PHC2: variants seen among roughly 807,000 people sequenced by gnomAD.
PHC2 encodes the protein polyhomeotic-like protein 2.
PHC2 carries 29 observed loss-of-function variants against 87.4 expected under a neutral mutation model. That is an observed-to-expected ratio of 0.33 (90% CI 0.25 to 0.45). The LOEUF (loss-of-function observed/expected upper bound fraction) is 0.45. Ranked by LOEUF, PHC2 falls within the 20% of genes least tolerant of loss-of-function variation. The pLI, the probability that PHC2 is intolerant of heterozygous loss-of-function variation, is 1.00. For missense variants in PHC2, 857 were observed against 1,136.7 expected (o/e 0.75, Z 3.54); for synonymous variants, 438 against 461.7 (o/e 0.95, Z 0.66).
rs1050095881 is a variant in PHC2, at chr1:33,334,015, A to G, written c.1761+75T>C. The G allele has an allele frequency of 2.3e-6, 3 of 1,316,378 alleles. No individual in the cohort carries two copies. The highest frequency in any genetic ancestry group is 2.3e-5 in the Admixed American group (1 of 43,528). The allele number at this position is 1,316,378 out of a possible 1,614,324, so 81.5% of individuals were successfully genotyped here. ...TTGTTCACATTTTCAGAAATTTTAC[A>G]TGGAAATGTAAAAATATTCTAAGAC... On this transcript the variant is annotated intron_variant, in intron 10 of 14. Coordinates refer to ENST00000683057, the MANE Select transcript of PHC2 (RefSeq NM_001385109.1). The surrounding 1 kb of genome is among the most constrained non-coding windows in gnomAD (Gnocchi z 5.5).
At position 33,331,018 on chromosome 1, in the gene PHC2, A is replaced by G. The variant is rs527503216; in HGVS notation, c.2006+330T>C. ...CGAGAGCTCACCAAGGGAACACTAT[A>G]GCTGTGGTTCTGGGTAAGGCTTACC... On this transcript the variant is annotated intron_variant, in intron 12 of 14. Coordinates refer to ENST00000683057, the MANE Select transcript of PHC2 (RefSeq NM_001385109.1). The surrounding 1 kb of genome is among the most constrained non-coding windows in gnomAD (Gnocchi z 5.2). 2.6e-5 allele frequency among the ~76,000 whole-genome samples: 4 copies of G among 152,176 alleles called. No individual in the cohort carries two copies. The highest frequency in any genetic ancestry group is 2.9e-5 in the Non-Finnish European group (2 of 68,026).
intron 14 of PHC2, chr1:33,325,512 C>T (rs941870387): frequency 4.1e-5 from 8 of 194,106 alleles, no homozygotes; most frequent in South Asian, 2.4e-4. Flanking sequence ...TTTTCTGGCT[C>T]CAGACCTCAG....
intron 7 of PHC2, chr1:33,363,865 G>A (rs1220928372): frequency 1.0e-6 from 1 of 985,152 alleles, no homozygotes; most frequent in African/African-American, 1.7e-5. Context: ...CAGGCCCAAG[G>A]GACCCCTGCT....
chr1:33,327,216 G>A (rs574726598), intron 14 of PHC2, among the ~76,000 whole-genome samples: 1 of 152,228 alleles, frequency 6.6e-6, no homozygotes, highest in Admixed American at 6.5e-5. Flanking sequence ...TGTCTGTAAT[G>A]GTTATCCTAT....
At chr1:33,413,616 T>C (rs1650071394) in intron 1 of PHC2, among the ~76,000 whole-genome samples, 1 of 152,206 alleles carries the variant, frequency 6.6e-6, no homozygotes, top group Non-Finnish European at 1.5e-5. Context: ...TAAAAGACAG[T>C]TGCAAACACA....
rs759921861 is a variant in PHC2 at position 33,368,596 on chromosome 1, G to C, written c.603C>G (p.Val201=). The change falls in exon 6 of 15, where the codon GTC becomes GTG. Residue 201 remains valine, a synonymous_variant. Coordinates refer to ENST00000683057, the MANE Select transcript of PHC2 (RefSeq NM_001385109.1). This position sits in a 1 kb window ranked among gnomAD's most constrained non-coding sequence, Gnocchi z 6.6. ...QMLIFTPTAT[V]ATVQPELGTG... ...TGCCGAGCTCAGGCTGCACAGTAGCGACGGTGGCCGTGGGCGTGAAGATGA... is the reference window on the plus strand; with the variant it reads ...TGCCGAGCTCAGGCTGCACAGTAGCCACGGTGGCCGTGGGCGTGAAGATGA... The C allele has an allele frequency of 1.5e-5, 24 of 1,551,132 alleles. No individual in the cohort carries two copies. The highest frequency in any genetic ancestry group is 2.0e-5 in the Non-Finnish European group (23 of 1,146,730).
chr1:33,361,516 G>GT (rs1647194302), intron 7 of PHC2, among the ~76,000 whole-genome samples: 1 of 152,014 alleles, frequency 6.6e-6, no homozygotes, highest in Non-Finnish European at 1.5e-5. Context: ...AATTTTTGTA[G>GT]TTTTAGTAGA....
rs776821844 is a variant in PHC2, at chr1:33,332,638, C to T, written c.1762-234G>A. ...AGGGATGGCTTCTGTCCAGGACCAA[C>T]GGATGGCTCAGGAGATTAGGAAAAT... is the stretch of plus-strand genomic sequence containing the variant. On this transcript the variant is annotated intron_variant, in intron 10 of 14. Transcript: ENST00000683057. The surrounding 1 kb of genome is among the most constrained non-coding windows in gnomAD (Gnocchi z 4.2). 40 of 525,862 alleles carry T rather than the reference C, an allele frequency of 7.6e-5. No individual in the cohort carries two copies. Among genetic ancestry groups the T allele is most frequent in the Non-Finnish European group, 1.1e-4 (31 of 290,482 alleles). The allele number at this position is 525,862 out of a possible 1,614,324, so 32.6% of individuals were successfully genotyped here.
At position 33,402,713 on chromosome 1, in the gene PHC2, T is replaced by C. The variant is rs567973156; in HGVS notation, c.-54-27120A>G. Reference sequence around the variant, plus strand: ...AAGACTCAGAATGAATACAGTATAATTCCATTTATACAGAGTTCAAAACCA... The same window carrying C: ...AAGACTCAGAATGAATACAGTATAACTCCATTTATACAGAGTTCAAAACCA... On this transcript the variant is annotated intron_variant, in intron 1 of 14. Coordinates refer to ENST00000683057, the MANE Select transcript of PHC2 (RefSeq NM_001385109.1). 2.0e-5 allele frequency among the ~76,000 whole-genome samples: 3 copies of C among 152,322 alleles called. No individual in the cohort carries two copies. The South Asian group carries it at 6.2e-4, about 32-fold the overall frequency.
intron 1 of PHC2, among the ~76,000 whole-genome samples, chr1:33,402,777 A>G (rs1649592371): frequency 6.6e-6 from 1 of 152,186 alleles, no homozygotes; most frequent in Admixed American, 6.5e-5. Context: ...ATAACAGTAT[A>G]TTGTTTAGGA....
rs917277957 is a variant in PHC2, at chr1:33,349,105, G to C, written c.1558+5296C>G. ...ACGCTCTTCTAAAAATGGAAGAAAA[G>C]ACACAGAACAGCTTGTCCCTTTCCA... is the stretch of plus-strand genomic sequence containing the variant. On this transcript the variant is annotated intron_variant, in intron 9 of 14. Coordinates refer to ENST00000683057, the MANE Select transcript of PHC2 (RefSeq NM_001385109.1). This position sits in a 1 kb window ranked among gnomAD's most constrained non-coding sequence, Gnocchi z 4.2. 1 of 985,284 alleles carries C rather than the reference G, an allele frequency of 1.0e-6. No individual in the cohort carries two copies. The highest frequency in any genetic ancestry group is 1.7e-5 in the African/African-American group (1 of 57,258). 61.0% of individuals were successfully genotyped at this position (985,284 alleles called of 1,614,324 possible).
In PHC2 at chr1:33,368,907, C is replaced by A. The variant is rs1238527712; in HGVS notation, c.577-285G>T. Among the ~76,000 whole-genome samples the A allele has an allele frequency of 6.6e-6, 1 of 152,146 alleles. No homozygotes were observed. The highest frequency in any genetic ancestry group is 1.5e-5 in the Non-Finnish European group (1 of 68,024). On this transcript the variant is annotated intron_variant, in intron 5 of 14. Transcript: ENST00000683057. The surrounding 1 kb of genome is among the most constrained non-coding windows in gnomAD (Gnocchi z 6.6). ...GGTGGGGAGAGCCGCTCTGGGGCTA[C>A]ACCAAAGCCGAGTTCCCTTCAGAAC...
intron 4 of PHC2, 93 bp downstream of exon 4, chr1:33,370,924 C>T (rs1188992429): frequency 2.0e-6 from 2 of 1,017,622 alleles, no homozygotes; most frequent in Non-Finnish European, 3.1e-6. Flanking sequence ...CATGATGCTA[C>T]ATGGCCACGG....
At chr1:33,326,125 G>A in intron 14 of PHC2, 1 of 299,008 alleles carries the variant, frequency 3.3e-6, no homozygotes, top group Non-Finnish European at 6.7e-6. Flanking sequence ...GCAGAATGTG[G>A]AAGGTGTTGC....
At position 33,324,755 on chromosome 1, in the gene PHC2, G is replaced by A. The variant is rs1232791210; in HGVS notation, c.*110C>T. 4.1e-6 allele frequency: 5 copies of A among 1,232,782 alleles called. No individual in the cohort carries two copies. Among genetic ancestry groups the A allele is most frequent in the Non-Finnish European group, 5.6e-6 (5 of 899,348 alleles). The allele number at this position is 1,232,782 out of a possible 1,614,324, so 76.4% of individuals were successfully genotyped here. ...TCCTCACCAGCTATGCCCCTAGGGA[G>A]AGCCCCTGCCCTCCAACCGGCCCCA... On this transcript the variant is annotated 3_prime_UTR_variant, in exon 15 of 15. Coordinates refer to ENST00000683057, the MANE Select transcript of PHC2 (RefSeq NM_001385109.1).
chr1:33,336,127 T>C (rs1371987447), intron 9 of PHC2, among the ~76,000 whole-genome samples: 6 of 151,994 alleles, frequency 3.9e-5, no homozygotes, highest in African/African-American at 9.6e-5. Flanking sequence ...TAGCTGGGAT[T>C]ACAGGCACGT....
intron 14 of PHC2, chr1:33,325,796 T>C (rs1557814146): frequency 2.3e-6 from 1 of 434,814 alleles, no homozygotes; most frequent in East Asian, 7.1e-5. Context: ...TTCTGGTACC[T>C]GGAAAAGGAG....
chr1:33,387,061 T>G (rs1048195365), intron 1 of PHC2, among the ~76,000 whole-genome samples: 3 of 152,244 alleles, frequency 2.0e-5, no homozygotes, highest in African/African-American at 7.2e-5. Context: ...TATCAGGCTT[T>G]CAGAATAAAG....
intron 1 of PHC2, among the ~76,000 whole-genome samples, chr1:33,430,027 CA>C (rs1268377208): frequency 2.0e-5 from 3 of 152,108 alleles, no homozygotes; most frequent in Admixed American, 1.3e-4. Context: ...TCTATTGTCG[CA>C]AAAGCTAAAT....
Sources: gnomAD v4.1 joint callset for allele counts (sites outside exome capture counted in the v4.1 genomes callset) on GRCh38, gnomAD v4.1.1 for gene constraint, Gnocchi (gnomAD v3.1) non-coding constraint, MANE v1.5 for transcripts, NCBI Gene and HGNC (gene_info 2026-07-23, HGNC 2026-07-21) for gene names.